The following SMOC1 variants were observed in gnomAD, a reference collection of about 807,000 sequenced individuals.
SMOC1 encodes the protein SPARC-related modular calcium-binding protein 1.
Under a neutral mutation model 56.3 loss-of-function variants are expected in SMOC1, and 22 were observed. The observed-to-expected ratio is 0.39, with a 90% CI of 0.28 to 0.56. The LOEUF is 0.56. SMOC1 is among the 20% of genes least tolerant of loss of function. The pLI, the probability that SMOC1 is intolerant of heterozygous loss-of-function variation, is 0.61. For missense variants in SMOC1, 509 were observed against 565.4 expected (o/e 0.90, Z 1.01); for synonymous variants, 193 against 215.0 (o/e 0.90, Z 0.89).
At chr14:69,960,695 T>C (rs1883340035) in intron 3 of SMOC1, among the ~76,000 whole-genome samples, 3 of 152,226 alleles carry the variant, frequency 2.0e-5, no homozygotes, top group Admixed American at 2.0e-4. Flanking sequence ...TGAATTGCTT[T>C]TGTTCCAAAC....
At chr14:69,987,528 C>T (rs1220446956) in intron 5 of SMOC1, among the ~76,000 whole-genome samples, 1 of 152,212 alleles carries the variant, frequency 6.6e-6, no homozygotes, top group African/African-American at 2.4e-5. Flanking sequence ...CAATTAACTC[C>T]TCAATGGACT....
chr14:69,986,676 C>T (rs139602053), intron 5 of SMOC1, among the ~76,000 whole-genome samples: 394 of 152,308 alleles, frequency 2.6e-3, no homozygotes, highest in African/African-American at 8.7e-3. Flanking sequence ...CCTGACCAGG[C>T]TCCTCTGCTG....
At chr14:69,894,858 A>ATG (rs1884053931) in intron 1 of SMOC1, among the ~76,000 whole-genome samples, 3 of 152,354 alleles carry the variant, frequency 2.0e-5, no homozygotes, top group South Asian at 4.1e-4. Context: ...TAGATAGGCC[A>ATG]TGTGAAGATG....
chr14:69,884,197 C>T (rs895171191), intron 1 of SMOC1, among the ~76,000 whole-genome samples: 9 of 152,178 alleles, frequency 5.9e-5, no homozygotes, highest in East Asian at 5.8e-4. Context: ...TGAGCCACCG[C>T]GCCCGGCCGA....
At chr14:69,945,056 CAGTA>C (rs962857298) in intron 1 of SMOC1, among the ~76,000 whole-genome samples, 12 of 152,084 alleles carry the variant, frequency 7.9e-5, no homozygotes, top group Non-Finnish European at 1.8e-4. Context: ...TTTCTTTTCA[CAGTA>C]AGTGACAGAA....
At chr14:69,963,445 T>A (rs1883458442) in intron 3 of SMOC1, among the ~76,000 whole-genome samples, 1 of 152,194 alleles carries the variant, frequency 6.6e-6, no homozygotes, top group Admixed American at 6.5e-5. Flanking sequence ...TCTTTGAATC[T>A]ACAAGCAGGA....
At chr14:69,949,378 C>CA (rs1378861798) in intron 1 of SMOC1, among the ~76,000 whole-genome samples, 6 of 152,202 alleles carry the variant, frequency 3.9e-5, no homozygotes, top group African/African-American at 1.4e-4. Flanking sequence ...TCCTCCCACA[C>CA]ATGACGGAGG....
intron 10 of SMOC1, among the ~76,000 whole-genome samples, chr14:70,017,668 C>T (rs1885567019): frequency 6.6e-6 from 1 of 152,186 alleles, no homozygotes; most frequent in South Asian, 2.1e-4. Flanking sequence ...GAGATGTTGG[C>T]TTTGCATCAG....
chr14:69,959,159 C>A (rs1883286802), intron 3 of SMOC1, among the ~76,000 whole-genome samples: 1 of 152,100 alleles, frequency 6.6e-6, no homozygotes, highest in South Asian at 2.1e-4. Flanking sequence ...ACAATATTTT[C>A]TTAGCTAAGT....
rs186419189 is a variant in SMOC1 at position 69,969,027 on chromosome 14, A to G, written c.379-6688A>G. On this transcript the variant is annotated intron_variant, in intron 3 of 11. Transcript: ENST00000361956. ...CATAGCTTGACAAAGCATTACAAAA[A>G]GAGAGGAGGGGTTGTCATCGGAAGG... Among the ~76,000 whole-genome samples the G allele has an allele frequency of 1.8e-3, 268 of 152,356 alleles. 1 individual carries two copies. The highest frequency in any genetic ancestry group is 6.1e-3 in the African/African-American group (254 of 41,582).
chr14:69,906,587 A>G (rs1010335370), intron 1 of SMOC1, among the ~76,000 whole-genome samples: 1 of 152,240 alleles, frequency 6.6e-6, no homozygotes, highest in African/African-American at 2.4e-5. Flanking sequence ...ATCTGTGAGC[A>G]TTATAAAATT....
intron 9 of SMOC1, among the ~76,000 whole-genome samples, chr14:70,012,458 G>A (rs547806217): frequency 3.3e-5 from 5 of 152,364 alleles, no homozygotes; most frequent in East Asian, 1.9e-4. Flanking sequence ...ATAGATAGTT[G>A]TGGTGGGTAC....
At position 69,916,780 on chromosome 14, in the gene SMOC1, C is replaced by T. The variant is rs778466265; in HGVS notation, c.100-35358C>T. 2.0e-4 allele frequency among the ~76,000 whole-genome samples: 30 copies of T among 152,240 alleles called. 1 individual carries two copies. Among genetic ancestry groups the T allele is most frequent in the Non-Finnish European group, 4.4e-5 (3 of 68,046 alleles). On this transcript the variant is annotated intron_variant, in intron 1 of 11. Transcript: ENST00000361956. ...AGAACTGCCATCTTCACCCTCCTTA[C>T]ACCCTTTACATTCCCTTTGTCTTGC...
chr14:69,993,760 G>A (rs574760054), intron 6 of SMOC1, among the ~76,000 whole-genome samples: 1 of 152,176 alleles, frequency 6.6e-6, no homozygotes. Flanking sequence ...GATGGAGACT[G>A]TCTCATCTTG....
Position 69,945,876 on chromosome 14 carries a change from G to A in SMOC1, c.100-6262G>A, listed in dbSNP as rs372089647. Among the ~76,000 whole-genome samples the A allele has an allele frequency of 2.1e-4, 32 of 152,190 alleles. No homozygotes were observed. The East Asian group carries it at 2.9e-3, about 14-fold the overall frequency. On this transcript the variant is annotated intron_variant, in intron 1 of 11. Coordinates refer to ENST00000361956, the MANE Select transcript of SMOC1 (RefSeq NM_001034852.3). ...GACATGGTTGTTTAGCATGGCTATC[G>A]TCTCCTTCTCTACACCCAGGAAAAA...
intron 7 of SMOC1, among the ~76,000 whole-genome samples, chr14:70,000,371 A>G (rs1466474286): frequency 1.3e-5 from 2 of 152,220 alleles, no homozygotes; most frequent in East Asian, 1.9e-4. Context: ...TTTAAGGCCA[A>G]TGAAAGTACA....
chr14:70,008,959 C>T (rs1254880093), intron 7 of SMOC1, among the ~76,000 whole-genome samples: 1 of 152,178 alleles, frequency 6.6e-6, no homozygotes, highest in African/African-American at 2.4e-5. Flanking sequence ...AGCAGGTTTC[C>T]CAAGGCCCCT....
intron 5 of SMOC1, among the ~76,000 whole-genome samples, chr14:69,992,165 C>T (rs1033993865): frequency 5.3e-5 from 8 of 152,162 alleles, no homozygotes; most frequent in Non-Finnish European, 7.3e-5. Context: ...CCCAAAGCCA[C>T]GAAGCTTTAA....
intron 1 of SMOC1, among the ~76,000 whole-genome samples, chr14:69,926,167 CTTTG>C (rs1026094199): frequency 2.6e-5 from 4 of 152,128 alleles, no homozygotes; most frequent in Non-Finnish European, 5.9e-5. Context: ...TGGATGATGA[CTTTG>C]TTTGAAGAAC....
Sources: allele counts gnomAD v4.1 joint callset (sites outside exome capture counted in the v4.1 genomes callset), GRCh38; gene constraint gnomAD v4.1.1; transcripts MANE v1.5; gene names NCBI Gene and HGNC (gene_info 2026-07-23, HGNC 2026-07-21).